Variants in SLC44A3 observed in about 807,000 individuals in gnomAD.
SLC44A3 encodes choline transporter-like protein 3.
Under a neutral mutation model 75.4 loss-of-function variants are expected in SLC44A3, and 74 were observed. That is an observed-to-expected ratio of 0.98 (90% confidence interval 0.81 to 1.19). The LOEUF is 1.19. Among genes scored for constraint, SLC44A3 ranks in the 50% most tolerant of loss-of-function variants. The probability of loss-of-function intolerance (pLI) is 0.00; values close to 1 mark genes in which losing one functional copy is unlikely to be tolerated. For synonymous variants in SLC44A3, 310 were observed against 296.9 expected (o/e 1.04, Z -0.45); for missense variants, 700 against 778.6 (o/e 0.90, Z 1.20).
At chr1:94,851,891 A>G (rs1313363701) in intron 9 of SLC44A3, among the ~76,000 whole-genome samples, 11 of 152,230 alleles carry the variant, frequency 7.2e-5, no homozygotes, top group Admixed American at 7.2e-4. Flanking sequence ...GCCTTCCATA[A>G]GGAACTGCCA....
intron 12 of SLC44A3, among the ~76,000 whole-genome samples, chr1:94,872,570 T>C (rs1667882898): frequency 6.6e-6 from 1 of 152,194 alleles, no homozygotes. Flanking sequence ...AGCTTCCAGG[T>C]AAAAATGACT....
At chr1:94,863,527 T>G (rs747548944) in intron 10 of SLC44A3, among the ~76,000 whole-genome samples, 83 of 152,138 alleles carry the variant, frequency 5.5e-4, no homozygotes, top group Non-Finnish European at 1.1e-3. Context: ...AAAGTAAACG[T>G]TCTTCCTTAA....
At chr1:94,877,011 G>A (rs1668365011) in intron 12 of SLC44A3, among the ~76,000 whole-genome samples, 1 of 151,884 alleles carries the variant, frequency 6.6e-6, no homozygotes, top group South Asian at 2.1e-4. Context: ...CTAGCACTAG[G>A]TGACTACCTG....
intron 5 of SLC44A3, among the ~76,000 whole-genome samples, chr1:94,833,731 G>C (rs1165279666): frequency 2.6e-5 from 4 of 152,042 alleles, no homozygotes; most frequent in African/African-American, 7.2e-5. Context: ...TAGGAAAATG[G>C]GGATGGAGTC....
At chr1:94,886,365 T>C (rs859067) in intron 12 of SLC44A3, among the ~76,000 whole-genome samples, 116,769 of 151,580 alleles carry the variant, frequency 0.77, 45,566 homozygotes, top group Non-Finnish European at 0.84. Flanking sequence ...CTTTCACTGC[T>C]CTTGCTCCAC....
At chr1:94,878,737 C>G (rs889452817) in intron 12 of SLC44A3, among the ~76,000 whole-genome samples, 4 of 152,172 alleles carry the variant, frequency 2.6e-5, no homozygotes, top group African/African-American at 9.7e-5. Flanking sequence ...CTACATAGAT[C>G]TATAGACCAT....
At position 94,892,516 on chromosome 1, in the gene SLC44A3, TGGTAA is replaced by T; in HGVS notation, c.1857+1_1857+5del. 2 of 1,613,328 alleles carry T rather than the reference TGGTAA, an allele frequency of 1.2e-6. No homozygotes were observed. The highest frequency in any genetic ancestry group is 1.7e-6 in the Non-Finnish European group (2 of 1,179,612). On this transcript the variant is annotated splice_donor_variant and splice_donor_region_variant and coding_sequence_variant and intron_variant, in exon 14 of 15. Transcript: ENST00000271227. LOFTEE classifies it high-confidence loss of function. ...CCCTACTTTATGGATCAAGAATTTC[TGGTAA>T]GCAAACATTTCATTTCCAATTGCAA...
At chr1:94,844,690 T>A (rs922848319) in intron 8 of SLC44A3, among the ~76,000 whole-genome samples, 1 of 151,960 alleles carries the variant, frequency 6.6e-6, no homozygotes, top group Non-Finnish European at 1.5e-5. Flanking sequence ...TGTTTGTGGG[T>A]GGTTGAAGAA....
chr1:94,862,464 T>C (rs1051130670), intron 10 of SLC44A3, among the ~76,000 whole-genome samples: 4 of 152,234 alleles, frequency 2.6e-5, no homozygotes, highest in African/African-American at 9.6e-5. Context: ...CTTTGTACCA[T>C]GACCCAAAGG....
chr1:94,862,896 G>A (rs1032715030), intron 10 of SLC44A3, among the ~76,000 whole-genome samples: 1 of 152,118 alleles, frequency 6.6e-6, no homozygotes, highest in Admixed American at 6.5e-5. Context: ...AGCATCACTG[G>A]GTGTGTCAGA....
chr1:94,850,281 C>T (rs530342621), intron 9 of SLC44A3, among the ~76,000 whole-genome samples: 97 of 152,020 alleles, frequency 6.4e-4, no homozygotes, highest in Non-Finnish European at 1.2e-3. Context: ...TGTCTGGTAC[C>T]AGCAATAAGA....
intron 12 of SLC44A3, among the ~76,000 whole-genome samples, chr1:94,869,143 G>A (rs1348676400): frequency 6.6e-6 from 1 of 152,244 alleles, no homozygotes; most frequent in Non-Finnish European, 1.5e-5. Flanking sequence ...TTTCACATTT[G>A]TTTCCTCTGC....
intron 6 of SLC44A3, 137 bp downstream of exon 6, chr1:94,838,008 T>A: frequency 1.1e-6 from 1 of 912,140 alleles, no homozygotes; most frequent in East Asian, 3.0e-5. Flanking sequence ...TTTTCAGTGT[T>A]TCAGATTTAA....
At chr1:94,826,067 A>G (rs1207840187) in intron 3 of SLC44A3, 1 of 370,506 alleles carries the variant, frequency 2.7e-6, no homozygotes, top group East Asian at 7.5e-5. Context: ...AAGGAAGGAA[A>G]TTCTGACACA....
intron 5 of SLC44A3, among the ~76,000 whole-genome samples, chr1:94,836,254 A>G (rs1662764395): frequency 6.6e-6 from 1 of 152,228 alleles, no homozygotes; most frequent in Admixed American, 6.5e-5. Flanking sequence ...GGTTCATGGA[A>G]AGAAAGAAGA....
intron 3 of SLC44A3, among the ~76,000 whole-genome samples, chr1:94,826,664 A>T (rs113292316): frequency 5.3e-4 from 81 of 151,680 alleles, no homozygotes; most frequent in African/African-American, 1.9e-3. Context: ...AAAGATTCAG[A>T]TGGTAAATTT....
At chr1:94,866,980 T>G (rs1164425826) in intron 11 of SLC44A3, among the ~76,000 whole-genome samples, 1 of 152,106 alleles carries the variant, frequency 6.6e-6, no homozygotes, top group African/African-American at 2.4e-5. Context: ...ATATAAACTT[T>G]GGTTTGAAAA....
At chr1:94,877,536 C>T (rs1396432170) in intron 12 of SLC44A3, among the ~76,000 whole-genome samples, 8 of 152,170 alleles carry the variant, frequency 5.3e-5, no homozygotes, top group African/African-American at 1.9e-4. Context: ...AACCATCATA[C>T]ATGTCTTAGG....
At position 94,842,416 on chromosome 1, in the gene SLC44A3, C is replaced by T. The variant is rs899112258; in HGVS notation, c.885+292C>T. On this transcript the variant is annotated intron_variant, in intron 8 of 14. Coordinates refer to ENST00000271227, the MANE Select transcript of SLC44A3 (RefSeq NM_001114106.3). The stretch of plus-strand genomic sequence containing the variant: ...CTACAAGGTGGGCATGGTGGGTGGG[C>T]GGAGGCAGGCTTACGGCAGTTCCCA... Among the ~76,000 whole-genome samples the T allele has an allele frequency of 2.0e-5, 3 of 152,260 alleles. No homozygotes were observed. In the South Asian group the frequency reaches 6.2e-4, roughly 32 times the overall value.
Sources: gnomAD v4.1 joint callset for allele counts (sites outside exome capture counted in the v4.1 genomes callset) on GRCh38, gnomAD v4.1.1 for gene constraint, MANE v1.5 for transcripts, NCBI Gene and HGNC (gene_info 2026-07-23, HGNC 2026-07-21) for gene names.